The following CNGB1 variants were observed in gnomAD, a reference collection of about 807,000 sequenced individuals.
The protein encoded by CNGB1 is cyclic nucleotide gated channel subunit beta 1, also known as cyclic nucleotide-gated channel beta-1.
CNGB1 carries 126 observed loss-of-function variants against 151.7 expected under a neutral mutation model. The ratio of observed to expected loss-of-function variants is 0.83; its 90% CI spans 0.72 to 0.96. CNGB1 has a LOEUF of 0.96. CNGB1 is among the 40% of genes least tolerant of loss of function. The pLI, the probability that CNGB1 is intolerant of heterozygous loss-of-function variation, is 0.00. For missense variants in CNGB1, 1,698 were observed against 1,627.0 expected (o/e 1.04, Z -0.75); for synonymous variants, 623 against 635.1 (o/e 0.98, Z 0.29).
chr16:57,890,499 G>C (rs1960058354), intron 31 of CNGB1, among the ~76,000 whole-genome samples: 1 of 152,164 alleles, frequency 6.6e-6, no homozygotes, highest in African/African-American at 2.4e-5. Context: ...ATTGCTACTA[G>C]CTGTCTCTGT....
intron 25 of CNGB1, among the ~76,000 whole-genome samples, chr16:57,906,919 TGCAGG>T (rs1326723534): frequency 5.9e-5 from 9 of 151,972 alleles, no homozygotes; most frequent in Admixed American, 5.9e-4. Context: ...TGGGGCGGGA[TGCAGG>T]GCCTAGCATT....
chr16:57,956,904 A>T (rs1218829444), intron 12 of CNGB1, among the ~76,000 whole-genome samples: 1 of 151,432 alleles, frequency 6.6e-6, no homozygotes, highest in Non-Finnish European at 1.5e-5. Context: ...GGTGACAGGG[A>T]CCCCCTCCAG....
At position 57,931,819 on chromosome 16, in the gene CNGB1, G is replaced by A; in HGVS notation, c.1432C>T (p.Pro478Ser). ...GGTGGATTCTCTTCTGCCATGAGGG[G>A]GCAGCTATCAGCATCAGTATCTTCC... ...QVEDTDADSC[P>S]LMAEENPPST... Residue 478 changes from proline (P) to serine (S), a missense_variant, in exon 17 of 33, where the codon CCC becomes TCC. Pro to Ser is a moderately conservative substitution (Grantham distance 74). Coordinates refer to ENST00000251102, the MANE Select transcript of CNGB1 (RefSeq NM_001297.5). 6.2e-7 allele frequency: 1 copy of A among 1,614,146 alleles called. No individual in the cohort carries two copies. Among genetic ancestry groups the A allele is most frequent in the Non-Finnish European group, 8.5e-7 (1 of 1,180,032 alleles).
intron 14 of CNGB1, among the ~76,000 whole-genome samples, chr16:57,947,562 G>A (rs1961840307): frequency 6.6e-6 from 1 of 152,174 alleles, no homozygotes; most frequent in Non-Finnish European, 1.5e-5. Context: ...AGTCAGCGGG[G>A]CATATGGATG....
chr16:57,952,789 C>A (rs1479314917), intron 12 of CNGB1, among the ~76,000 whole-genome samples: 1 of 152,154 alleles, frequency 6.6e-6, no homozygotes, highest in Non-Finnish European at 1.5e-5. Flanking sequence ...GCATGAGCCA[C>A]CATGCCCGGC....
At chr16:57,899,458 G>A (rs1960326127) in intron 29 of CNGB1, among the ~76,000 whole-genome samples, 2 of 152,184 alleles carry the variant, frequency 1.3e-5, no homozygotes, top group Non-Finnish European at 2.9e-5. Context: ...TAGCCAACAT[G>A]GCAAAACCCT....
At chr16:57,904,044 A>G in intron 26 of CNGB1, 63 bp from the exon 27 acceptor site, 1 of 1,527,976 alleles carries the variant, frequency 6.5e-7, no homozygotes, top group Non-Finnish European at 9.0e-7. Context: ...GCGCTATTCC[A>G]TGGATTTGGG....
rs1464142539 is a variant in CNGB1 at position 57,897,846 on chromosome 16, C to T, written c.3045G>A (p.Gly1015=). ...CTTTCAGCGTCACCAGCACAGATTT[C>T]CCATCAGGGCCGCCCAAGACCTGCA... ...GQVQVLGGPD[G]KSVLVTLKAG... Residue 1015 remains glycine, a synonymous_variant, in exon 30 of 33, where the codon GGG becomes GGA. Coordinates refer to ENST00000251102, the MANE Select transcript of CNGB1 (RefSeq NM_001297.5). The T allele has an allele frequency of 1.2e-6, 2 of 1,614,220 alleles. No homozygotes were observed. Among genetic ancestry groups the T allele is most frequent in the Non-Finnish European group, 1.7e-6 (2 of 1,180,042 alleles).
At chr16:57,932,125 G>A (rs1169053067) in intron 16 of CNGB1, among the ~76,000 whole-genome samples, 7 of 152,140 alleles carry the variant, frequency 4.6e-5, no homozygotes, top group African/African-American at 1.2e-4. Flanking sequence ...CAGAAACCAC[G>A]GGAGCTCCCC....
rs115779190 is a variant in CNGB1 at position 57,909,760 on chromosome 16, C to T, written c.2492+1993G>A. Reference sequence around the variant, plus strand: ...AATCAACAGTGCTCATGCCCACCTCCCCCACTCCCTCTGGCCACCAGGTTG... The same window carrying T: ...AATCAACAGTGCTCATGCCCACCTCTCCCACTCCCTCTGGCCACCAGGTTG... On this transcript the variant is annotated intron_variant, in intron 25 of 32. Transcript: ENST00000251102. Among the ~76,000 whole-genome samples the T allele has an allele frequency of 5.5e-3, 844 of 152,268 alleles. 9 individuals carry two copies. Among genetic ancestry groups the T allele is most frequent in the African/African-American group, 0.018 (752 of 41,562 alleles).
chr16:57,960,771 C>T, intron 8 of CNGB1, 69 bp downstream of exon 8: 2 of 1,495,304 alleles, frequency 1.3e-6, no homozygotes, highest in South Asian at 1.2e-5. Context: ...CTGGAGGAGG[C>T]AGTCCCTCCT....
chr16:57,953,945 G>A (rs1163907085), intron 12 of CNGB1, among the ~76,000 whole-genome samples: 1 of 151,960 alleles, frequency 6.6e-6, no homozygotes, highest in East Asian at 1.9e-4. Flanking sequence ...GAATCAGAAA[G>A]TCTGGGGTAG....
At chr16:57,965,287 A>ATATGTACATATACATGTG (rs1962363674) in intron 2 of CNGB1, among the ~76,000 whole-genome samples, 2 of 152,142 alleles carry the variant, frequency 1.3e-5, no homozygotes, top group Admixed American at 1.3e-4. Context: ...AGGCAAAAAC[A>ATATGTACATATACATGTG]TATGTACATA....
At chr16:57,896,886 G>A (rs1349546886) in intron 31 of CNGB1, among the ~76,000 whole-genome samples, 1 of 152,078 alleles carries the variant, frequency 6.6e-6, no homozygotes, top group Non-Finnish European at 1.5e-5. Context: ...TGTGATCCTA[G>A]ACCTGATTCA....
In CNGB1 at chr16:57,884,246, A is replaced by T. The variant is rs1045278021; in HGVS notation, c.3674T>A (p.Ile1225Asn). Residue 1225 changes from isoleucine to asparagine, a missense_variant, in exon 33 of 33, where the codon ATC becomes AAC. Coordinates refer to ENST00000251102, the MANE Select transcript of CNGB1 (RefSeq NM_001297.5). The part of the protein sequence containing the change: ...PAEPEEHSVR[I>N]CMSPGPEPGE... ...CGGCTCCGGGCCCGGGCTCATGCAG[A>T]TCCTCACCGAGTGCTCTTCGGGCTC... The T allele has an allele frequency of 6.2e-7, 1 of 1,613,534 alleles. No homozygotes were observed. Among genetic ancestry groups the T allele is most frequent in the Admixed American group, 1.7e-5 (1 of 60,012 alleles).
Position 57,883,493 on chromosome 16 carries a change from A to ACT in CNGB1, c.*670_*671insAG, listed in dbSNP as rs1567358299. On this transcript the variant is annotated 3_prime_UTR_variant, in exon 33 of 33. Transcript: ENST00000251102. ...CTGTGTCCAGCTCACTGCAGCCAGA[A>ACT]ACTCCTGGGCTCAAGCCATCCTCCT... 6.4e-6 allele frequency: 1 copy of ACT among 156,824 alleles called. No individual in the cohort carries two copies. Among genetic ancestry groups the ACT allele is most frequent in the African/African-American group, 2.4e-5 (1 of 41,428 alleles). 9.7% of individuals were successfully genotyped at this position (156,824 alleles called of 1,614,324 possible).
chr16:57,929,169 AAAAAATAGGC>A (rs1360565256), intron 17 of CNGB1, among the ~76,000 whole-genome samples: 35 of 152,230 alleles, frequency 2.3e-4, no homozygotes, highest in Admixed American at 2.3e-3. Context: ...TTACCTAACT[AAAAAATAGGC>A]AAAGAACTCG....
intron 3 of CNGB1, 69 bp downstream of exon 3, chr16:57,964,418 T>C (rs1962337451): frequency 6.3e-7 from 1 of 1,582,940 alleles, no homozygotes; most frequent in East Asian, 2.2e-5. Context: ...CCTCGTGGGC[T>C]CTGCGGCTCC....
intron 12 of CNGB1, chr16:57,954,687 A>G: frequency 1.0e-6 from 1 of 985,586 alleles, no homozygotes; most frequent in African/African-American, 1.7e-5. Context: ...TGATGTGCTC[A>G]TTTACACTCT....
Sources: allele counts gnomAD v4.1 joint callset (sites outside exome capture counted in the v4.1 genomes callset), GRCh38; gene constraint gnomAD v4.1.1; transcripts MANE v1.5; gene names NCBI Gene and HGNC (gene_info 2026-07-23, HGNC 2026-07-21).